SSX2IP: variants seen among roughly 807,000 people sequenced by gnomAD.
The protein encoded by SSX2IP is afadin- and alpha-actinin-binding protein.
SSX2IP carries 55 observed loss-of-function variants against 84.9 expected under a neutral mutation model. The observed-to-expected ratio is 0.65, with a 90% confidence interval of 0.52 to 0.81. SSX2IP has a LOEUF of 0.81. SSX2IP is among the 30% of genes least tolerant of loss of function. The probability of loss-of-function intolerance (pLI) is 0.00; values close to 1 mark genes in which losing one functional copy is unlikely to be tolerated. For synonymous variants in SSX2IP, 239 were observed against 234.7 expected (o/e 1.02, Z -0.17); for missense variants, 664 against 705.2 (o/e 0.94, Z 0.66).
rs1453542837 is a variant in SSX2IP, at chr1:84,664,653, G to A, written c.538-101C>T. The A allele has an allele frequency of 1.1e-5, 11 of 1,025,504 alleles. No homozygotes were observed. In the South Asian group the frequency reaches 2.5e-4, roughly 23 times the overall value. 63.5% of individuals were successfully genotyped at this position (1,025,504 alleles called of 1,614,324 possible). A position where few individuals can be genotyped will look rare whatever the true frequency, so the allele number is the denominator to read the frequency against. ...CCCCATATAGGTTTTAAAATCCTAG[G>A]ATGATTCTTCCTTATTTGTAACCAG... On this transcript the variant is annotated intron_variant, in intron 5 of 13. Transcript: ENST00000342203.
intron 3 of SSX2IP, 61 bp downstream of exon 3, chr1:84,670,585 T>G (rs1412016754): frequency 1.7e-6 from 2 of 1,207,362 alleles, no homozygotes; most frequent in Admixed American, 2.4e-5. Flanking sequence ...TTTCTCATAA[T>G]TTTGATACAT....
intron 1 of SSX2IP, among the ~76,000 whole-genome samples, chr1:84,671,826 AAT>A (rs992172331): frequency 3.3e-4 from 51 of 152,338 alleles, no homozygotes; most frequent in African/African-American, 1.2e-3. Context: ...GAAAGCTGAC[AAT>A]ATGTTTCAAG....
chr1:84,689,659 C>T (rs1656306269), intron 1 of SSX2IP, among the ~76,000 whole-genome samples: 1 of 152,190 alleles, frequency 6.6e-6, no homozygotes, highest in Admixed American at 6.5e-5. Flanking sequence ...TATTCTATGT[C>T]CTGGGCCCAA....
chr1:84,687,466 T>G (rs894230829), intron 1 of SSX2IP, among the ~76,000 whole-genome samples: 10 of 152,236 alleles, frequency 6.6e-5, no homozygotes, highest in African/African-American at 2.4e-4. Context: ...TTTCTCCTAC[T>G]GAACTGCAGG....
rs753535054 is a variant in SSX2IP at position 84,671,232 on chromosome 1, A to G, written c.-13T>C. On this transcript the variant is annotated 5_prime_UTR_variant, in exon 2 of 14. Coordinates refer to ENST00000342203, the MANE Select transcript of SSX2IP (RefSeq NM_001166293.2). Reference sequence around the variant, plus strand: ...TCCAATCTCCCATAGCAATCTCTAGAGCCAGGATACCTGAGGAACTAGTTC... The same window carrying G: ...TCCAATCTCCCATAGCAATCTCTAGGGCCAGGATACCTGAGGAACTAGTTC... 6.2e-7 allele frequency: 1 copy of G among 1,609,334 alleles called. No homozygotes were observed. Among genetic ancestry groups the G allele is most frequent in the African/African-American group, 1.3e-5 (1 of 74,748 alleles).
At chr1:84,653,211 C>A (rs1030238169) in intron 11 of SSX2IP, among the ~76,000 whole-genome samples, 1 of 152,012 alleles carries the variant, frequency 6.6e-6, no homozygotes, top group African/African-American at 2.4e-5. Flanking sequence ...TTTGAACATA[C>A]AAAACATTAT....
intron 11 of SSX2IP, among the ~76,000 whole-genome samples, chr1:84,654,169 C>T (rs906958442): frequency 7.2e-5 from 11 of 151,874 alleles, no homozygotes; most frequent in Non-Finnish European, 1.6e-4. Flanking sequence ...AGAAAATTTC[C>T]CTAAATTAAA....
chr1:84,673,527 T>G (rs1297065060), intron 1 of SSX2IP, among the ~76,000 whole-genome samples: 2 of 152,246 alleles, frequency 1.3e-5, no homozygotes, highest in Non-Finnish European at 2.9e-5. Flanking sequence ...GAAAGTAGCA[T>G]GTTCTCTTTT....
chr1:84,679,137 G>A (rs1654747894), intron 1 of SSX2IP, among the ~76,000 whole-genome samples: 2 of 138,568 alleles, frequency 1.4e-5, no homozygotes, highest in Admixed American at 1.5e-4. Flanking sequence ...TACAAATTCA[G>A]TCCTAAAACT....
intron 5 of SSX2IP, among the ~76,000 whole-genome samples, 179 bp downstream of exon 5, chr1:84,665,943 G>A (rs1045091542): frequency 6.6e-6 from 1 of 152,162 alleles, no homozygotes; most frequent in African/African-American, 2.4e-5. Flanking sequence ...GGTCTGTAGT[G>A]GAGAGGGTTC....
intron 5 of SSX2IP, among the ~76,000 whole-genome samples, chr1:84,665,239 A>C (rs1652612455): frequency 6.6e-6 from 1 of 152,180 alleles, no homozygotes; most frequent in African/African-American, 2.4e-5. Context: ...GTTTAAATAT[A>C]ATCAACAGAT....
intron 8 of SSX2IP, among the ~76,000 whole-genome samples, chr1:84,661,687 A>C (rs1338563783): frequency 6.6e-6 from 1 of 152,198 alleles, no homozygotes; most frequent in Non-Finnish European, 1.5e-5. Context: ...AGTTAACAGA[A>C]GTTTCACTCT....
In SSX2IP at chr1:84,671,311, TA is replaced by T; in HGVS notation, c.-89-4del. On this transcript the variant is annotated splice_polypyrimidine_tract_variant and splice_region_variant and intron_variant, in intron 1 of 13. Coordinates refer to ENST00000342203, the MANE Select transcript of SSX2IP (RefSeq NM_001166293.2). Reference sequence around the variant, plus strand: ...TCACTCTTCTATGTAGGCATCTCCTTAAAAAGCAGATTATAGAATAATAGCA... The same window carrying T: ...TCACTCTTCTATGTAGGCATCTCCTTAAAAGCAGATTATAGAATAATAGCA... The T allele has an allele frequency of 6.5e-7, 1 of 1,548,862 alleles. No individual in the cohort carries two copies. Among genetic ancestry groups the T allele is most frequent in the Non-Finnish European group, 8.7e-7 (1 of 1,151,432 alleles).
chr1:84,656,441 G>C lies in SSX2IP; in HGVS notation c.1122C>G (p.Ile374Met), dbSNP rs765786190. 5.0e-6 allele frequency: 8 copies of C among 1,613,186 alleles called. No homozygotes were observed. The highest frequency in any genetic ancestry group is 6.8e-6 in the Non-Finnish European group (8 of 1,179,642). The stretch of plus-strand genomic sequence containing the variant: ...TTTCTTGTTCATGGTCTTGTCGTGA[G>C]ATTACATCTTCATCATTAAAACCTT... The part of the protein sequence containing the change: ...HLEGFNDEDV[I>M]SRQDHEQETE... Residue 374 changes from isoleucine (I) to methionine (M), a missense_variant, in exon 10 of 14, where the codon ATC becomes ATG. Physicochemically the swap from Ile to Met is conservative, Grantham distance 10 (BLOSUM62 1). Coordinates refer to ENST00000342203, the MANE Select transcript of SSX2IP (RefSeq NM_001166293.2).
intron 4 of SSX2IP, among the ~76,000 whole-genome samples, chr1:84,668,082 C>T (rs1052897072): frequency 6.6e-6 from 1 of 152,128 alleles, no homozygotes; most frequent in Non-Finnish European, 1.5e-5. Flanking sequence ...ACATTTCTGT[C>T]CATAGTTGAC....
At chr1:84,669,150 T>C (rs1653170202) in intron 4 of SSX2IP, among the ~76,000 whole-genome samples, 1 of 136,254 alleles carries the variant, frequency 7.3e-6, no homozygotes, top group Non-Finnish European at 1.6e-5. Flanking sequence ...GTAGGTTCAA[T>C]GGTCCTGTGA....
At chr1:84,672,861 A>C (rs1653787632) in intron 1 of SSX2IP, among the ~76,000 whole-genome samples, 1 of 152,106 alleles carries the variant, frequency 6.6e-6, no homozygotes, top group South Asian at 2.1e-4. Flanking sequence ...CCCCGTCTCT[A>C]CTGAAAATAC....
intron 4 of SSX2IP, among the ~76,000 whole-genome samples, chr1:84,669,454 T>C (rs1435212086): frequency 1.3e-5 from 2 of 152,156 alleles, no homozygotes; most frequent in Non-Finnish European, 2.9e-5. Flanking sequence ...AATCTAACTT[T>C]TTACAGATTC....
intron 1 of SSX2IP, among the ~76,000 whole-genome samples, chr1:84,672,457 G>C (rs771803792): frequency 7.2e-5 from 11 of 151,978 alleles, no homozygotes; most frequent in Non-Finnish European, 1.6e-4. Flanking sequence ...TGGGAAAGGG[G>C]AGTGGCTAGA....
Sources: gnomAD v4.1 joint callset for allele counts (sites outside exome capture counted in the v4.1 genomes callset) on GRCh38, gnomAD v4.1.1 for gene constraint, MANE v1.5 for transcripts, NCBI Gene and HGNC (gene_info 2026-07-23, HGNC 2026-07-21) for gene names.